TEX9: variants seen among roughly 807,000 people sequenced by gnomAD.
TEX9 encodes the protein testis-expressed protein 9.
Under a neutral mutation model 59.6 loss-of-function variants are expected in TEX9, and 74 were observed. The ratio of observed to expected loss-of-function variants is 1.24; its 90% CI spans 1.03 to 1.51. The LOEUF (loss-of-function observed/expected upper bound fraction) is 1.51. TEX9 is among the 40% of genes most tolerant of loss of function. The pLI is 0.00. For synonymous variants in TEX9, 186 were observed against 152.2 expected, an observed-to-expected ratio of 1.22 and a Z score of -1.64; for missense variants, 522 against 447.8, an observed-to-expected ratio of 1.17 and a Z score of -1.49.
At chr15:56,324,808 A>G (rs1446860877) in intron 1 of TEX9, among the ~76,000 whole-genome samples, 1 of 152,172 alleles carries the variant, frequency 6.6e-6, no homozygotes, top group Non-Finnish European at 1.5e-5. Flanking sequence ...TACTTGCTCT[A>G]GCATTTAAAA....
At chr15:56,273,295 A>G (rs1395288214) in intron 1 of TEX9, among the ~76,000 whole-genome samples, 1 of 152,036 alleles carries the variant, frequency 6.6e-6, no homozygotes, top group African/African-American at 2.4e-5. Flanking sequence ...TGGTTTACTT[A>G]TACTTCTTTT....
intron 9 of TEX9, among the ~76,000 whole-genome samples, chr15:56,407,894 T>G (rs2049154041): frequency 6.6e-6 from 1 of 152,168 alleles, no homozygotes; most frequent in Non-Finnish European, 1.5e-5. Flanking sequence ...AGTGAATTAG[T>G]ACCTCTTCTG....
At chr15:56,255,811 T>C (rs1202983124) in intron 1 of TEX9, among the ~76,000 whole-genome samples, 2 of 151,978 alleles carry the variant, frequency 1.3e-5, no homozygotes, top group Non-Finnish European at 1.5e-5. Context: ...ACATCTCAAA[T>C]TGATAGATCA....
intron 1 of TEX9, among the ~76,000 whole-genome samples, chr15:56,268,731 A>G (rs2141379556): frequency 6.6e-6 from 1 of 151,980 alleles, no homozygotes; most frequent in East Asian, 1.9e-4. Context: ...TTTTGCCAGT[A>G]TTTTATTGAG....
intron 1 of TEX9, among the ~76,000 whole-genome samples, chr15:56,314,959 A>G (rs2045717450): frequency 6.6e-6 from 1 of 151,566 alleles, no homozygotes; most frequent in South Asian, 2.1e-4. Context: ...TTTATCAGAG[A>G]CTGGGATTGC....
chr15:56,311,369 C>T (rs2045611455), intron 1 of TEX9, among the ~76,000 whole-genome samples: 1 of 142,156 alleles, frequency 7.0e-6, no homozygotes, highest in African/African-American at 2.6e-5. Context: ...GTTCAGTCCC[C>T]ACCTATGAGT....
At chr15:56,310,572 G>A (rs1187728926) in intron 1 of TEX9, among the ~76,000 whole-genome samples, 3 of 152,190 alleles carry the variant, frequency 2.0e-5, no homozygotes, top group African/African-American at 4.8e-5. Flanking sequence ...TGTCAACAGC[G>A]CATCCTACTT....
At chr15:56,416,204 CTCTT>C (rs1567135706) in intron 10 of TEX9, among the ~76,000 whole-genome samples, 1 of 151,406 alleles carries the variant, frequency 6.6e-6, no homozygotes, top group South Asian at 2.1e-4. Flanking sequence ...TGGATGCCCT[CTCTT>C]TATTTCTCTT....
At chr15:56,315,971 G>A (rs1385672939) in intron 1 of TEX9, among the ~76,000 whole-genome samples, 3 of 151,306 alleles carry the variant, frequency 2.0e-5, no homozygotes, top group East Asian at 1.9e-4. Flanking sequence ...CATTCTTCAC[G>A]TAGCTCTCGA....
chr15:56,280,312 A>G (rs2044785189), intron 1 of TEX9, among the ~76,000 whole-genome samples: 1 of 152,184 alleles, frequency 6.6e-6, no homozygotes, highest in South Asian at 2.1e-4. Context: ...CTGCTGTGTG[A>G]CAAGAGCCTT....
chr15:56,287,920 T>C (rs1305570316), intron 1 of TEX9, among the ~76,000 whole-genome samples: 1 of 152,204 alleles, frequency 6.6e-6, no homozygotes, highest in Non-Finnish European at 1.5e-5. Context: ...CATTCATTCA[T>C]TGATAAACAC....
intron 1 of TEX9, among the ~76,000 whole-genome samples, chr15:56,268,697 CT>C (rs1226315598): frequency 6.6e-6 from 1 of 150,534 alleles, no homozygotes; most frequent in African/African-American, 2.5e-5. Flanking sequence ...GGTGGATAAG[CT>C]TTTTGATGTG....
chr15:56,342,891 T>C (rs184819373), intron 1 of TEX9, among the ~76,000 whole-genome samples: 24 of 152,282 alleles, frequency 1.6e-4, no homozygotes. Context: ...GTCCAAACAT[T>C]GTTAGCCAGA....
chr15:56,265,686 A>G (rs1480161655), intron 1 of TEX9, among the ~76,000 whole-genome samples: 1 of 152,148 alleles, frequency 6.6e-6, no homozygotes, highest in Non-Finnish European at 1.5e-5. Context: ...CTTTATTTGT[A>G]CTTTAATTCT....
chr15:56,432,133 G>T (rs1283552212), intron 12 of TEX9, among the ~76,000 whole-genome samples: 1 of 152,140 alleles, frequency 6.6e-6, no homozygotes, highest in African/African-American at 2.4e-5. Flanking sequence ...ATACAGGAAA[G>T]TTCTGTAATG....
At chr15:56,437,594 T>G (rs1222516840) in intron 12 of TEX9, among the ~76,000 whole-genome samples, 2 of 152,110 alleles carry the variant, frequency 1.3e-5, no homozygotes, top group Non-Finnish European at 1.5e-5. Flanking sequence ...CTATTCAACA[T>G]AGTGTTGGAA....
intron 1 of TEX9, among the ~76,000 whole-genome samples, chr15:56,358,412 G>T (rs1278505308): frequency 6.8e-6 from 1 of 146,564 alleles, no homozygotes; most frequent in Admixed American, 6.8e-5. Flanking sequence ...TCACAATTTT[G>T]TTGAAGAAGA....
chr15:56,289,376 T>C (rs1234025319), intron 1 of TEX9, among the ~76,000 whole-genome samples: 1 of 152,160 alleles, frequency 6.6e-6, no homozygotes, highest in Non-Finnish European at 1.5e-5. Flanking sequence ...TTAGTTTTGC[T>C]GTGGAAAGAT....
intron 9 of TEX9, among the ~76,000 whole-genome samples, chr15:56,406,812 C>T (rs2049103452): frequency 6.6e-6 from 1 of 151,998 alleles, no homozygotes; most frequent in South Asian, 2.1e-4. Flanking sequence ...TCTTTGTTTA[C>T]CTATGTAATT....
Sources: allele counts gnomAD v4.1 joint callset (sites outside exome capture counted in the v4.1 genomes callset), GRCh38; gene constraint gnomAD v4.1.1; transcripts MANE v1.5; gene names NCBI Gene and HGNC (gene_info 2026-07-23, HGNC 2026-07-21).